The following NAP1L1 variants were observed in gnomAD, a reference collection of about 807,000 sequenced individuals.
NAP1L1 encodes the protein nucleosome assembly protein 1-like 1.
NAP1L1 carries 9 observed loss-of-function variants against 58.9 expected under a neutral mutation model. The ratio of observed to expected loss-of-function variants is 0.15; its 90% CI spans 0.09 to 0.27. NAP1L1 has a LOEUF of 0.27. NAP1L1 is among the 10% of genes least tolerant of loss of function. The probability of loss-of-function intolerance (pLI) is 1.00; values close to 1 mark genes in which losing one functional copy is unlikely to be tolerated. For synonymous variants in NAP1L1, 130 were observed against 138.3 expected, an observed-to-expected ratio of 0.94 and a Z score of 0.42; for missense variants, 302 against 458.8, an observed-to-expected ratio of 0.66 and a Z score of 3.12.
At chr12:76,050,722 G>A (rs752586541) in intron 11 of NAP1L1, 69 bp from the exon 12 acceptor site, 21 of 1,514,562 alleles carry the variant, frequency 1.4e-5, no homozygotes, top group East Asian at 4.6e-5. Flanking sequence ...GCACATGTAA[G>A]ACTCTTAGAG....
Position 76,067,399 on chromosome 12 carries a change from C to T in NAP1L1, c.178G>A (p.Val60Ile). 3.1e-6 allele frequency: 5 copies of T among 1,609,618 alleles called. No homozygotes were observed. The highest frequency in any genetic ancestry group is 3.4e-6 in the Non-Finnish European group (4 of 1,177,282). Residue 60 changes from valine to isoleucine, a missense_variant, in exon 4 of 15, where the codon GTA becomes ATA. Physicochemically the swap from Val to Ile is conservative, Grantham distance 29. Transcript: ENST00000618691. The stretch of plus-strand genomic sequence containing the variant: ...TCAATGTATCCTGTTGGTGTTTCTA[C>T]CAGACCATCAAGTCTTTCTTGAAGG... ...AALQERLDGL[V>I]ETPTGYIESL...
intron 6 of NAP1L1, 35 bp from the exon 7 acceptor site, chr12:76,056,196 T>C (rs530535447): frequency 6.6e-5 from 106 of 1,594,708 alleles, no homozygotes; most frequent in South Asian, 2.7e-4. Context: ...ATTTAATACA[T>C]AGATTAGACC....
At chr12:76,078,813 G>C (rs559810207) in intron 1 of NAP1L1, among the ~76,000 whole-genome samples, 2 of 152,272 alleles carry the variant, frequency 1.3e-5, no homozygotes, top group East Asian at 1.9e-4. Flanking sequence ...GAAAAGACAT[G>C]TTAAGATCCA....
rs955571540 is a variant in NAP1L1, at chr12:76,074,441, G to A, written c.-20-202C>T. ...TACTAGTACCAAAAATAATTTTTCA[G>A]AGGATATTACTTAAAACAAAAAAGT... On this transcript the variant is annotated intron_variant, in intron 1 of 14. Coordinates refer to ENST00000618691, the MANE Select transcript of NAP1L1 (RefSeq NM_004537.7). 4.7e-6 allele frequency: 4 copies of A among 843,452 alleles called. No individual in the cohort carries two copies. In the African/African-American group the frequency reaches 7.4e-5, roughly 16 times the overall value. The allele number at this position is 843,452 out of a possible 1,614,324, so 52.2% of individuals were successfully genotyped here.
At position 76,056,655 on chromosome 12, in the gene NAP1L1, A is replaced by C. The variant is rs181492705; in HGVS notation, c.430-494T>G. 1.9e-3 allele frequency: 867 copies of C among 455,682 alleles called. 2 individuals carry two copies. Among genetic ancestry groups the C allele is most frequent in the Non-Finnish European group, 3.0e-3 (683 of 226,686 alleles). The allele number at this position is 455,682 out of a possible 1,614,324, so 28.2% of individuals were successfully genotyped here. On this transcript the variant is annotated intron_variant, in intron 6 of 14. Coordinates refer to ENST00000618691, the MANE Select transcript of NAP1L1 (RefSeq NM_004537.7). ...GAAGCCTCCATGTCTTCACTTGAAA[A>C]TGGCAACAATCCTCAGCCTACCATG...
intron 4 of NAP1L1, among the ~76,000 whole-genome samples, chr12:76,066,117 TAAATAAATAAATAAATAAATAAACAAAC>T (rs1159915073): frequency 5.4e-5 from 5 of 93,266 alleles, no homozygotes; most frequent in East Asian, 3.2e-4. Flanking sequence ...AATAAATAAA[TAAATAAATAAATAAATAAATAAACAAAC>T]AAACAAACAA....
At chr12:76,056,553 T>C (rs530721739) in intron 6 of NAP1L1, 29 of 449,296 alleles carry the variant, frequency 6.5e-5, no homozygotes, top group South Asian at 4.6e-4. Flanking sequence ...ATAGCAATGC[T>C]AGAGAGGTGG....
At chr12:76,062,972 A>C (rs536785451) in intron 4 of NAP1L1, among the ~76,000 whole-genome samples, 1 of 152,332 alleles carries the variant, frequency 6.6e-6, no homozygotes, top group South Asian at 2.1e-4. Flanking sequence ...AGAAACACTG[A>C]AATAAAGAAA....
chr12:76,080,743 G>C (rs749286091), intron 1 of NAP1L1, among the ~76,000 whole-genome samples: 3 of 152,190 alleles, frequency 2.0e-5, no homozygotes, highest in Non-Finnish European at 2.9e-5. Flanking sequence ...GCTATGGTTT[G>C]AGTATTTGTC....
rs191658520 is a variant in NAP1L1 at position 76,045,115 on chromosome 12, C to G, written c.*3314G>C. The stretch of plus-strand genomic sequence containing the variant: ...CTCATAATTACCAAGTATATATGTA[C>G]AGTGCAGATTAAAAAAAAACTGAAT... On this transcript the variant is annotated 3_prime_UTR_variant, in exon 15 of 15. Coordinates refer to ENST00000618691, the MANE Select transcript of NAP1L1 (RefSeq NM_004537.7). 1.7e-4 allele frequency: 26 copies of G among 151,888 alleles called. No homozygotes were observed. The highest frequency in any genetic ancestry group is 1.7e-3 in the Admixed American group (26 of 15,254). The allele number at this position is 151,888 out of a possible 1,614,324, so 9.4% of individuals were successfully genotyped here.
intron 2 of NAP1L1, among the ~76,000 whole-genome samples, chr12:76,070,177 C>A (rs1949886612): frequency 6.6e-6 from 1 of 151,804 alleles, no homozygotes; most frequent in South Asian, 2.1e-4. Context: ...GCCTGGAGTG[C>A]AATGGCACAA....
At chr12:76,083,473 C>CAAAA (rs34033928) in intron 1 of NAP1L1, among the ~76,000 whole-genome samples, 48 of 87,218 alleles carry the variant, frequency 5.5e-4, no homozygotes, top group African/African-American at 1.9e-3. Context: ...CTTTTTTTTC[C>CAAAA]AAAAAAAAAA....
chr12:76,053,167 A>C (rs1285855899), intron 10 of NAP1L1, 38 bp downstream of exon 10: 5 of 1,612,010 alleles, frequency 3.1e-6, no homozygotes, highest in African/African-American at 1.3e-5. Context: ...TGCTTTTTAT[A>C]AAACAACCGT....
Position 76,055,040 on chromosome 12 carries a change from G to T in NAP1L1, c.609C>A (p.Phe203Leu). 6.2e-7 allele frequency: 1 copy of T among 1,606,132 alleles called. No individual in the cohort carries two copies. Among genetic ancestry groups the T allele is most frequent in the Non-Finnish European group, 8.5e-7 (1 of 1,177,078 alleles). The change falls in exon 8 of 15, where the codon TTC becomes TTA. Residue 203 changes from phenylalanine (F) to leucine (L), a missense_variant. Physicochemically the swap from Phe to Leu is conservative, Grantham distance 22 (BLOSUM62 0). Coordinates refer to ENST00000618691, the MANE Select transcript of NAP1L1 (RefSeq NM_004537.7). ...TTACCATAGGCTGGCCAGCATCTGA[G>T]AACTTCACTTTAATATCTTTCAAGT... is the stretch of plus-strand genomic sequence containing the variant. ...LKHLKDIKVKFSDAGQPMSFV... is the reference protein window; with the variant it reads ...LKHLKDIKVKLSDAGQPMSFV...
intron 2 of NAP1L1, among the ~76,000 whole-genome samples, chr12:76,073,263 C>T (rs1035324838): frequency 2.6e-5 from 4 of 151,942 alleles, no homozygotes; most frequent in Non-Finnish European, 5.9e-5. Context: ...CACTATCATT[C>T]GCTGATGCCT....
At chr12:76,067,334 T>C (rs1220265938) in intron 4 of NAP1L1, 37 bp downstream of exon 4, 3 of 1,488,756 alleles carry the variant, frequency 2.0e-6, no homozygotes, top group Admixed American at 3.5e-5. Context: ...CAACGTTGAT[T>C]ATAGAAAGAT....
intron 1 of NAP1L1, among the ~76,000 whole-genome samples, chr12:76,076,557 T>TAC (rs1950184519): frequency 1.2e-4 from 1 of 8,498 alleles, no homozygotes; most frequent in African/African-American, 3.1e-4. Context: ...GAAATATATA[T>TAC]ATATATATAT....
intron 1 of NAP1L1, among the ~76,000 whole-genome samples, chr12:76,078,414 C>G (rs1950279810): frequency 1.3e-5 from 2 of 152,180 alleles, no homozygotes; most frequent in South Asian, 4.1e-4. Flanking sequence ...TAAATGAAAG[C>G]TTCCTTCTAG....
chr12:76,057,158 T>C (rs1949145884), intron 6 of NAP1L1: 2 of 197,258 alleles, frequency 1.0e-5, no homozygotes, highest in South Asian at 9.1e-5. Flanking sequence ...AAGCTGGGCA[T>C]AGTAGCTTCA....
Sources: gnomAD v4.1 joint callset for allele counts (sites outside exome capture counted in the v4.1 genomes callset) on GRCh38, gnomAD v4.1.1 for gene constraint, MANE v1.5 for transcripts, NCBI Gene and HGNC (gene_info 2026-07-23, HGNC 2026-07-21) for gene names.